The following KCNJ10 variants were observed in gnomAD, a reference collection of about 807,000 sequenced individuals.
KCNJ10 encodes the protein potassium inwardly rectifying channel subfamily J member 10.
In KCNJ10, 9 loss-of-function variants were observed where a neutral mutation model predicts 22.2. The ratio of observed to expected loss-of-function variants is 0.40; its 90% CI spans 0.24 to 0.71. KCNJ10 has a LOEUF of 0.71. Among genes scored for constraint, KCNJ10 ranks in the 30% least tolerant of loss-of-function variants. The pLI, the probability that KCNJ10 is intolerant of heterozygous loss-of-function variation, is 0.35. For missense variants in KCNJ10, 337 were observed against 482.7 expected (o/e 0.70, Z 2.83); for synonymous variants, 184 against 187.3 (o/e 0.98, Z 0.15).
intron 1 of KCNJ10, among the ~76,000 whole-genome samples, chr1:160,049,691 A>ATATATATATATATATATATATATATT (rs1648848656): frequency 8.8e-6 from 1 of 113,490 alleles, no homozygotes; most frequent in African/African-American, 3.6e-5. Context: ...ATATATATAT[A>ATATATATATATATATATATATATATT]TATATATATA....
At chr1:160,054,632 A>C (rs1379308133) in intron 1 of KCNJ10, among the ~76,000 whole-genome samples, 1 of 152,236 alleles carries the variant, frequency 6.6e-6, no homozygotes, top group Non-Finnish European at 1.5e-5. Context: ...AGGGAGAGTC[A>C]AGGTGATAAA....
chr1:160,069,377 T>G (rs1649398760), intron 1 of KCNJ10, among the ~76,000 whole-genome samples: 1 of 152,180 alleles, frequency 6.6e-6, no homozygotes, highest in African/African-American at 2.4e-5. Flanking sequence ...GAAGTGGCCC[T>G]GCTCCTTTCC....
chr1:160,059,024 C>T (rs570909691), intron 1 of KCNJ10, among the ~76,000 whole-genome samples: 1 of 152,326 alleles, frequency 6.6e-6, no homozygotes, highest in East Asian at 1.9e-4. Context: ...TCAGGCTTTA[C>T]GGTGCGCCAG....
chr1:160,052,146 G>A lies in KCNJ10; in HGVS notation c.1-9614C>T, dbSNP rs12069645. Among the ~76,000 whole-genome samples the A allele has an allele frequency of 7.4e-3, 1,120 of 152,258 alleles. 16 individuals carry two copies. Among genetic ancestry groups the A allele is most frequent in the African/African-American group, 0.025 (1,055 of 41,538 alleles). ...CTCCCTACTTCTTCCCTGTAGAAAA[G>A]AGCCTTTTGATTGAGGGATCTGGAA... On this transcript the variant is annotated intron_variant, in intron 1 of 1. Transcript: ENST00000644903.
chr1:160,065,866 G>A (rs1175713093), intron 1 of KCNJ10, among the ~76,000 whole-genome samples: 1 of 152,098 alleles, frequency 6.6e-6, no homozygotes, highest in African/African-American at 2.4e-5. Flanking sequence ...AACAGGGAAG[G>A]AGTCGAGGAG....
intron 1 of KCNJ10, among the ~76,000 whole-genome samples, chr1:160,044,302 C>A (rs1234555193): frequency 6.6e-6 from 1 of 152,182 alleles, no homozygotes; most frequent in East Asian, 1.9e-4. Context: ...GGAAGCTCTG[C>A]AACTCTGAAG....
At position 160,041,698 on chromosome 1, in the gene KCNJ10, G is replaced by C; in HGVS notation, c.835C>G (p.Leu279Val). 6.2e-7 allele frequency: 1 copy of C among 1,614,192 alleles called. No individual in the cohort carries two copies. The highest frequency in any genetic ancestry group is 1.1e-5 in the South Asian group (1 of 91,078). Reference sequence around the variant, plus strand: ...ACTGTCCCACTTAGGATCAGCACCAGCTCAAAGTCACCCTCACCACTGCGA... The same window carrying C: ...ACTGTCCCACTTAGGATCAGCACCACCTCAAAGTCACCCTCACCACTGCGA... ...PLRSGEGDFELVLILSGTVES... is the reference protein window; with the variant it reads ...PLRSGEGDFEVVLILSGTVES... Residue 279 changes from leucine to valine, a missense_variant, in exon 2 of 2, where the codon CTG (leucine) becomes GTG (valine). By Grantham distance (32) the Leu-to-Val change is conservative. Transcript: ENST00000644903. The surrounding 1 kb of genome is among the most constrained non-coding windows in gnomAD (Gnocchi z 4.4).
intron 1 of KCNJ10, among the ~76,000 whole-genome samples, chr1:160,048,742 C>T (rs745505193): frequency 6.6e-6 from 1 of 152,226 alleles, no homozygotes. Context: ...AAGCCAGGAT[C>T]ATCTCAAACT....
chr1:160,068,424 G>A (rs951636979), intron 1 of KCNJ10, among the ~76,000 whole-genome samples: 2 of 152,104 alleles, frequency 1.3e-5, no homozygotes, highest in Non-Finnish European at 2.9e-5. Context: ...AAGGGCTTTG[G>A]GAGGCTGGAC....
At position 160,039,348 on chromosome 1, in the gene KCNJ10, A is replaced by C. The variant is rs1316273591; in HGVS notation, c.*2045T>G. 1 of 149,236 alleles carries C rather than the reference A, an allele frequency of 6.7e-6. No individual in the cohort carries two copies. The highest frequency in any genetic ancestry group is 1.5e-5 in the Non-Finnish European group (1 of 67,788). The allele number at this position is 149,236 out of a possible 1,614,324, so 9.2% of individuals were successfully genotyped here. A position where few individuals can be genotyped will look rare whatever the true frequency, so the allele number is the denominator to read the frequency against. ...GGCCAAATAAACCAGATGGAGGTTA[A>C]CTTGGCAATGGATAGGAAGGTATAG... On this transcript the variant is annotated 3_prime_UTR_variant, in exon 2 of 2. Transcript: ENST00000644903.
In KCNJ10 at chr1:160,042,224, G is replaced by A. The variant is rs1219860534; in HGVS notation, c.309C>T (p.Ala103=). 1 of 1,613,572 alleles carries A rather than the reference G, an allele frequency of 6.2e-7. No homozygotes were observed. The highest frequency in any genetic ancestry group is 8.5e-7 in the Non-Finnish European group (1 of 1,179,676). Residue 103 remains alanine, a synonymous_variant, in exon 2 of 2, where the codon GCC becomes GCT. Coordinates refer to ENST00000644903, the MANE Select transcript of KCNJ10 (RefSeq NM_002241.5). ...CCTGTACCACACAGGGGGTGTGGTTGGCCGGGGGGTCCAGCTCCAGCAGGT... is the reference window on the plus strand; with the variant it reads ...CCTGTACCACACAGGGGGTGTGGTTAGCCGGGGGGTCCAGCTCCAGCAGGT... ...HGDLLELDPP[A]NHTPCVVQVH...
At chr1:160,065,269 A>G (rs554586981) in intron 1 of KCNJ10, among the ~76,000 whole-genome samples, 9 of 152,138 alleles carry the variant, frequency 5.9e-5, no homozygotes, top group Admixed American at 2.6e-4. Flanking sequence ...ATAAACCTCC[A>G]AAGTCAGGCT....
In KCNJ10 at chr1:160,042,523, C is replaced by T. The variant is rs144428351; in HGVS notation, c.10G>A (p.Val4Ile). Residue 4 changes from valine to isoleucine, a missense_variant, in exon 2 of 2, where the codon GTT becomes ATT. By Grantham distance (29) the Val-to-Ile change is conservative. This residue lies in a region of KCNJ10 where 107 missense variants were observed against 135.2 expected (regional missense o/e 0.79). Coordinates refer to ENST00000644903, the MANE Select transcript of KCNJ10 (RefSeq NM_002241.5). ...GTCTGACTGTAATACACCTTGGCAACTGACGTCATCTGGAGGGAGCAAGAC... is the reference window on the plus strand; with the variant it reads ...GTCTGACTGTAATACACCTTGGCAATTGACGTCATCTGGAGGGAGCAAGAC... MTS[V>I]AKVYYSQTTQ... is the part of the protein sequence containing the mutation. 4.3e-5 allele frequency: 70 copies of T among 1,613,922 alleles called. No individual in the cohort carries two copies. The highest frequency in any genetic ancestry group is 5.6e-5 in the Non-Finnish European group (66 of 1,180,034).
At chr1:160,045,326 G>A (rs1363058287) in intron 1 of KCNJ10, among the ~76,000 whole-genome samples, 1 of 152,136 alleles carries the variant, frequency 6.6e-6, no homozygotes. Context: ...AGAATGCTAT[G>A]GCCATCAATT....
chr1:160,049,685 A>ATATATATATATATATATATATATATATT (rs1557970381), intron 1 of KCNJ10, among the ~76,000 whole-genome samples: 8 of 98,826 alleles, frequency 8.1e-5, no homozygotes, highest in African/African-American at 3.4e-4. Context: ...TTATATATAT[A>ATATATATATATATATATATATATATATT]TATATATATA....
At chr1:160,042,952 TAAATAAAATA>T (rs985677703) in intron 1 of KCNJ10, among the ~76,000 whole-genome samples, 2 of 131,446 alleles carry the variant, frequency 1.5e-5, no homozygotes, top group Non-Finnish European at 3.3e-5. Flanking sequence ...AAAAAAAAAG[TAAATAAAATA>T]AAATAAAATA....
At chr1:160,057,292 C>T (rs558922326) in intron 1 of KCNJ10, among the ~76,000 whole-genome samples, 6 of 152,326 alleles carry the variant, frequency 3.9e-5, no homozygotes, top group Middle Eastern at 6.8e-3. Context: ...CAAAGCCAGA[C>T]CCCATGTCTC....
intron 1 of KCNJ10, among the ~76,000 whole-genome samples, chr1:160,049,452 C>G (rs183757050): frequency 1.3e-5 from 2 of 151,916 alleles, no homozygotes; most frequent in Admixed American, 1.3e-4. Flanking sequence ...TTGTCTTTAC[C>G]TATCCAAGTC....
At chr1:160,060,767 G>T (rs1557973567) in intron 1 of KCNJ10, among the ~76,000 whole-genome samples, 1 of 152,098 alleles carries the variant, frequency 6.6e-6, no homozygotes, top group Non-Finnish European at 1.5e-5. Context: ...CTCTGGACCA[G>T]AATAGCAGGT....
Sources: gnomAD v4.1 joint callset for allele counts (sites outside exome capture counted in the v4.1 genomes callset) on GRCh38, gnomAD v4.1.1 for gene constraint, gnomAD v4.1.1 regional missense constraint, Gnocchi (gnomAD v3.1) non-coding constraint, MANE v1.5 for transcripts, NCBI Gene and HGNC (gene_info 2026-07-23, HGNC 2026-07-21) for gene names.